The following EDN1 variants were observed in gnomAD, a reference collection of about 807,000 sequenced individuals.
EDN1 encodes endothelin 1.
Under a neutral mutation model 21.7 loss-of-function variants are expected in EDN1, and 11 were observed. The observed-to-expected ratio is 0.51, with a 90% confidence interval of 0.32 to 0.84. The LOEUF is 0.84. Among genes scored for constraint, EDN1 ranks in the 40% least tolerant of loss-of-function variants. The probability of loss-of-function intolerance (pLI) is 0.03; values close to 1 mark genes in which losing one functional copy is unlikely to be tolerated. For synonymous variants in EDN1, 85 were observed against 90.6 expected, an observed-to-expected ratio of 0.94 and a Z score of 0.35; for missense variants, 244 against 262.3, an observed-to-expected ratio of 0.93 and a Z score of 0.48.
chr6:12,232,752 G>T, the EDN1 span, among the ~76,000 whole-genome samples: 1 of 152,178 alleles, frequency 6.6e-6, no homozygotes. Flanking sequence ...TGAATTAGTG[G>T]TATAGTTTAT....
At chr6:12,270,179 A>T in the EDN1 span, among the ~76,000 whole-genome samples, 1 of 151,904 alleles carries the variant, frequency 6.6e-6, no homozygotes, top group African/African-American at 2.4e-5. Context: ...TCTTTATTTC[A>T]TAGTTAGTCT....
chr6:12,281,438 A>G, the EDN1 span, among the ~76,000 whole-genome samples: 1 of 151,494 alleles, frequency 6.6e-6, no homozygotes, highest in East Asian at 1.9e-4. Context: ...TTTCACCTAC[A>G]GCCTCAATGA....
At chr6:12,261,848 A>C in the EDN1 span, among the ~76,000 whole-genome samples, 2 of 152,204 alleles carry the variant, frequency 1.3e-5, no homozygotes, top group South Asian at 2.1e-4. Flanking sequence ...CAAAAGGGGA[A>C]GGATGTGTCA....
At chr6:12,283,036 A>G in the EDN1 span, among the ~76,000 whole-genome samples, 1 of 152,222 alleles carries the variant, frequency 6.6e-6, no homozygotes, top group Non-Finnish European at 1.5e-5. Context: ...ACTATCCCAA[A>G]TGGTTTTTCT....
rs2113800629 is a variant in EDN1 at position 12,297,133 on chromosome 6, A to C, written c.*1066A>C. The stretch of plus-strand genomic sequence containing the variant: ...TGTATTTCTAAATGAAATTGAGAAC[A>C]TGCTTTGTTTTGCCTGTCAAGGTAA... On this transcript the variant is annotated 3_prime_UTR_variant, in exon 5 of 5. Transcript: ENST00000379375. 1.3e-5 allele frequency: 2 copies of C among 152,340 alleles called. No homozygotes were observed. Among genetic ancestry groups the C allele is most frequent in the South Asian group, 4.1e-4 (2 of 4,824 alleles). 9.4% of individuals were successfully genotyped at this position (152,340 alleles called of 1,614,324 possible).
chr6:12,243,642 T>C, the EDN1 span, among the ~76,000 whole-genome samples: 6 of 152,116 alleles, frequency 3.9e-5, no homozygotes, highest in African/African-American at 1.4e-4. Context: ...ATACATAAAA[T>C]GAATGTGAGA....
At chr6:12,250,617 C>A in the EDN1 span, among the ~76,000 whole-genome samples, 1 of 152,176 alleles carries the variant, frequency 6.6e-6, no homozygotes, top group Admixed American at 6.5e-5. Flanking sequence ...TATATCTGAG[C>A]AAACTTTGTA....
chr6:12,258,449 CAAAAAAAAAAAA>C, the EDN1 span, among the ~76,000 whole-genome samples: 6 of 63,672 alleles, frequency 9.4e-5, no homozygotes, highest in African/African-American at 2.9e-4. Context: ...GATCATGTCT[CAAAAAAAAAAAA>C]AAAAAAAAAA....
At chr6:12,266,660 C>T in the EDN1 span, among the ~76,000 whole-genome samples, 5 of 152,164 alleles carry the variant, frequency 3.3e-5, no homozygotes, top group African/African-American at 9.7e-5. Flanking sequence ...AGGAGACCTC[C>T]CCAGGAAAGG....
chr6:12,281,802 A>G, the EDN1 span, among the ~76,000 whole-genome samples: 1 of 152,216 alleles, frequency 6.6e-6, no homozygotes, highest in South Asian at 2.1e-4. Context: ...TGCTGTTTTC[A>G]GATTCTGTGT....
chr6:12,244,221 A>C, the EDN1 span, among the ~76,000 whole-genome samples: 123 of 152,336 alleles, frequency 8.1e-4, 2 homozygotes, highest in Admixed American at 5.4e-3. Context: ...AATTTTAATA[A>C]AATTAATTAT....
chr6:12,234,736 G>A, the EDN1 span, among the ~76,000 whole-genome samples: 1 of 152,170 alleles, frequency 6.6e-6, no homozygotes, highest in African/African-American at 2.4e-5. Flanking sequence ...CAAGGTGCTA[G>A]AATTAACCTG....
At chr6:12,286,837 G>C (rs190171351), upstream of EDN1, among the ~76,000 whole-genome samples, 15 of 152,330 alleles carry the variant, frequency 9.8e-5, no homozygotes, top group African/African-American at 3.6e-4. Context: ...GAATAGGCCA[G>C]GAGTGGTGGC....
intron 3 of EDN1, 53 bp from the exon 4 acceptor site, chr6:12,294,208 G>C (rs534545977): frequency 5.6e-6 from 9 of 1,613,460 alleles, no homozygotes; most frequent in Non-Finnish European, 7.6e-6. Context: ...TGAAAGTCAG[G>C]GTAAAGCTGA....
intron 1 of EDN1, among the ~76,000 whole-genome samples, chr6:12,291,030 G>A (rs1189198090): frequency 6.6e-6 from 1 of 152,112 alleles, no homozygotes; most frequent in Admixed American, 6.5e-5. Context: ...TGTAATATAT[G>A]TGTTTATACA....
the EDN1 span, among the ~76,000 whole-genome samples, chr6:12,283,754 C>A: frequency 6.6e-6 from 1 of 152,202 alleles, no homozygotes; most frequent in African/African-American, 2.4e-5. Flanking sequence ...TCTACATACT[C>A]TCTTTCTCAT....
chr6:12,283,648 C>T, the EDN1 span, among the ~76,000 whole-genome samples: 1 of 152,174 alleles, frequency 6.6e-6, no homozygotes, highest in East Asian at 1.9e-4. Context: ...GGACACTCAT[C>T]CTTAGGACTT....
the EDN1 span, among the ~76,000 whole-genome samples, chr6:12,283,126 T>C: frequency 6.6e-6 from 1 of 152,208 alleles, no homozygotes; most frequent in Admixed American, 6.5e-5. Context: ...TTTTGGAGCA[T>C]GTGGAATTAA....
chr6:12,263,361 G>A, the EDN1 span, among the ~76,000 whole-genome samples: 119 of 152,294 alleles, frequency 7.8e-4, no homozygotes, highest in Non-Finnish European at 7.1e-4. Flanking sequence ...TGAGGAGTTA[G>A]CATAAAAAGA....
Sources: gnomAD v4.1 joint callset for allele counts (sites outside exome capture counted in the v4.1 genomes callset) on GRCh38, gnomAD v4.1.1 for gene constraint, MANE v1.5 for transcripts, NCBI Gene and HGNC (gene_info 2026-07-23, HGNC 2026-07-21) for gene names.